NNMT: variants seen among roughly 807,000 people sequenced by gnomAD.
NNMT encodes nicotinamide N-methyltransferase.
NNMT carries 10 observed loss-of-function variants against 11.7 expected under a neutral mutation model. The ratio of observed to expected loss-of-function variants is 0.85; its 90% CI spans 0.53 to 1.45. NNMT has a LOEUF of 1.45. Ranked by LOEUF, NNMT falls within the 40% of genes most tolerant of loss-of-function variation. The pLI is 0.00. For synonymous variants in NNMT, 143 were observed against 133.8 expected (o/e 1.07, Z -0.48); for missense variants, 381 against 319.4 (o/e 1.19, Z -1.47).
At chr11:114,303,437 T>C (rs1945458340) in intron 2 of NNMT, among the ~76,000 whole-genome samples, 1 of 152,198 alleles carries the variant, frequency 6.6e-6, no homozygotes, top group Admixed American at 6.5e-5. Context: ...CAAGATCAGT[T>C]TGGACATTTG....
chr11:114,296,391 T>A (rs1945378035), upstream of NNMT: 2 of 647,658 alleles, frequency 3.1e-6, no homozygotes, highest in South Asian at 4.4e-5. Flanking sequence ...GTGGTCTATT[T>A]CTCTGTTAGT....
chr11:114,293,376 C>A (rs1244436029), upstream of NNMT, among the ~76,000 whole-genome samples: 2 of 152,084 alleles, frequency 1.3e-5, no homozygotes, highest in Middle Eastern at 3.2e-3. Flanking sequence ...ACTTGGTGAG[C>A]AGGATCAATG....
intron 2 of NNMT, among the ~76,000 whole-genome samples, chr11:114,306,594 A>G (rs918638574): frequency 8.5e-5 from 13 of 152,180 alleles, no homozygotes; most frequent in African/African-American, 2.7e-4. Flanking sequence ...AGCACCATTT[A>G]TTAAATAGGG....
chr11:114,280,749 G>T (rs1945254109), intron 2 of NNMT, among the ~76,000 whole-genome samples: 1 of 152,198 alleles, frequency 6.6e-6, no homozygotes, highest in South Asian at 2.1e-4. Context: ...CCTGTTTTTG[G>T]ATTATTTCCC....
chr11:114,298,006 G>A lies in NNMT; in HGVS notation c.210G>A (p.Gln70=). 6.2e-7 allele frequency: 1 copy of A among 1,613,878 alleles called. No individual in the cohort carries two copies. Among genetic ancestry groups the A allele is most frequent in the Non-Finnish European group, 8.5e-7 (1 of 1,180,040 alleles). ...TCGGCTCTGGCCCCACTATCTATCA[G>A]CTCCTCTCTGCTTGTGAATCCTTTA... is the stretch of plus-strand genomic sequence containing the variant. ...IDIGSGPTIY[Q]LLSACESFKE... Residue 70 remains glutamine (Q), a synonymous_variant, in exon 2 of 3, where the codon CAG becomes CAA. Coordinates refer to ENST00000299964, the MANE Select transcript of NNMT (RefSeq NM_006169.3).
In NNMT at chr11:114,264,929, C is replaced by T. The variant is rs139248322; in HGVS notation, c.-130+1995C>T. Among the ~76,000 whole-genome samples, 73 of 152,302 alleles carry T rather than the reference C, an allele frequency of 4.8e-4. No homozygotes were observed. The South Asian group carries it at 0.015, about 31-fold the overall frequency. ...TCTCCAGGAACTTCCAGGGATGTGG[C>T]AGTCTGGAAGCTCTCTGAACCCTGT... On this transcript the variant is annotated intron_variant, in intron 2 of 4. Coordinates refer to the NNMT transcript ENST00000535401.
intron 2 of NNMT, among the ~76,000 whole-genome samples, chr11:114,300,031 T>G (rs1945422683): frequency 6.6e-6 from 1 of 152,070 alleles, no homozygotes; most frequent in South Asian, 2.1e-4. Flanking sequence ...CTCTTATTTT[T>G]GATCACTTTC....
chr11:114,294,119 G>T (rs1347457754), upstream of NNMT, among the ~76,000 whole-genome samples: 1 of 152,140 alleles, frequency 6.6e-6, no homozygotes, highest in Non-Finnish European at 1.5e-5. Context: ...AGAGTAGAAG[G>T]ATGGTTACGA....
intron 2 of NNMT, among the ~76,000 whole-genome samples, chr11:114,270,149 A>G (rs1945158755): frequency 6.6e-6 from 1 of 152,248 alleles, no homozygotes; most frequent in Non-Finnish European, 1.5e-5. Context: ...TTGAGAATTT[A>G]AACAATTTCT....
At position 114,287,310 on chromosome 11, in the gene NNMT, G is replaced by A. The variant is rs565773087; in HGVS notation, c.-129-9118G>A. On this transcript the variant is annotated intron_variant, in intron 2 of 4. Transcript: ENST00000535401. ...GCTTTTGTGTCTGGTTTAAGAAATCGTTATCTGCACCCAAGGTCATAAAGA... is the reference window on the plus strand; with the variant it reads ...GCTTTTGTGTCTGGTTTAAGAAATCATTATCTGCACCCAAGGTCATAAAGA... 3.9e-5 allele frequency among the ~76,000 whole-genome samples: 6 copies of A among 152,134 alleles called. No homozygotes were observed. The East Asian group carries it at 5.8e-4, about 15-fold the overall frequency.
intron 1 of NNMT, among the ~76,000 whole-genome samples, chr11:114,260,558 G>A (rs612908): frequency 0.2 from 31,088 of 151,996 alleles, 3,363 homozygotes; most frequent in East Asian, 0.33. Flanking sequence ...GCCCGCTCCG[G>A]GCTCCGGTGT....
chr11:114,311,451 G>T (rs1323148781), intron 2 of NNMT, among the ~76,000 whole-genome samples: 1 of 152,210 alleles, frequency 6.6e-6, no homozygotes, highest in Non-Finnish European at 1.5e-5. Context: ...TGCAATATTT[G>T]TTGGAATCTG....
At chr11:114,289,178 G>A (rs1945318597) in intron 2 of NNMT, among the ~76,000 whole-genome samples, 1 of 152,154 alleles carries the variant, frequency 6.6e-6, no homozygotes, top group African/African-American at 2.4e-5. Flanking sequence ...TAGGCATAAA[G>A]TTATTTGTAA....
At chr11:114,276,537 A>G (rs1439656965) in intron 2 of NNMT, among the ~76,000 whole-genome samples, 1 of 152,172 alleles carries the variant, frequency 6.6e-6, no homozygotes, top group Non-Finnish European at 1.5e-5. Context: ...CTTATTATAC[A>G]TGATTGCCAG....
chr11:114,303,463 C>A (rs1002388704), intron 2 of NNMT, among the ~76,000 whole-genome samples: 2 of 152,038 alleles, frequency 1.3e-5, no homozygotes, highest in African/African-American at 4.8e-5. Flanking sequence ...GGTTTGTAAT[C>A]AAATTTAGAA....
At chr11:114,303,155 A>G (rs557178366) in intron 2 of NNMT, among the ~76,000 whole-genome samples, 1 of 152,298 alleles carries the variant, frequency 6.6e-6, no homozygotes, top group African/African-American at 2.4e-5. Context: ...TTCCTTTCCC[A>G]AGATCTGTTC....
chr11:114,290,016 C>T lies in NNMT; in HGVS notation c.-129-6412C>T, dbSNP rs370569147. ...TGGTGAAAGGGTGAATGAGCTCTCT[C>T]GGGCCTATTTCATAAGGGCACTGAT... On this transcript the variant is annotated intron_variant, in intron 2 of 4. Transcript: ENST00000535401. Among the ~76,000 whole-genome samples the T allele has an allele frequency of 1.7e-3, 260 of 152,252 alleles. 3 individuals carry two copies. The highest frequency in any genetic ancestry group is 0.011 in the South Asian group (53 of 4,812).
At chr11:114,303,246 TCTTAA>T (rs1285966291) in intron 2 of NNMT, among the ~76,000 whole-genome samples, 6 of 152,318 alleles carry the variant, frequency 3.9e-5, no homozygotes, top group East Asian at 3.9e-4. Context: ...AGACAAATTC[TCTTAA>T]CTTATCAAGT....
At chr11:114,271,175 C>T (rs1476938580) in intron 2 of NNMT, among the ~76,000 whole-genome samples, 1 of 152,044 alleles carries the variant, frequency 6.6e-6, no homozygotes, top group Non-Finnish European at 1.5e-5. Context: ...GGGAGGCAGG[C>T]ACAATTCAGT....
Sources: gnomAD v4.1 joint callset for allele counts (sites outside exome capture counted in the v4.1 genomes callset) on GRCh38, gnomAD v4.1.1 for gene constraint, MANE v1.5 for transcripts, NCBI Gene and HGNC (gene_info 2026-07-23, HGNC 2026-07-21) for gene names.